Variants in SMAD4 observed in about 807,000 individuals in gnomAD.
SMAD4 encodes the protein MAD homolog 4.
SMAD4 carries 7 observed loss-of-function variants against 63.2 expected under a neutral mutation model. That is an observed-to-expected ratio of 0.11 (90% CI 0.06 to 0.21). SMAD4 has a LOEUF of 0.21. SMAD4 is among the 10% of genes least tolerant of loss of function. The pLI is 1.00. For synonymous variants in SMAD4, 215 were observed against 235.4 expected (o/e 0.91, Z 0.79); for missense variants, 312 against 693.8 (o/e 0.45, Z 6.18).
intron 11 of SMAD4, 133 bp from the exon 12 acceptor site, chr18:51,078,123 G>A: frequency 1.3e-6 from 1 of 775,610 alleles, no homozygotes; most frequent in Non-Finnish European, 2.2e-6. Flanking sequence ...TTACTTCTTG[G>A]CACTTTAGCA....
In SMAD4 at chr18:51,066,951, C is replaced by T. The variant is rs1910175623; in HGVS notation, c.1140-68C>T. 7.3e-6 allele frequency: 9 copies of T among 1,230,890 alleles called. No individual in the cohort carries two copies. In the South Asian group the frequency reaches 1.1e-4, roughly 15 times the overall value. The allele number at this position is 1,230,890 out of a possible 1,614,324, so 76.2% of individuals were successfully genotyped here. On this transcript the variant is annotated intron_variant, in intron 9 of 11. Coordinates refer to ENST00000342988, the MANE Select transcript of SMAD4 (RefSeq NM_005359.6). Reference sequence around the variant, plus strand: ...ATTTTTCAATATTAAGCATGCTATACAATCTGAACTAAAATTTAATTTAAA... The same window carrying T: ...ATTTTTCAATATTAAGCATGCTATATAATCTGAACTAAAATTTAATTTAAA...
chr18:51,081,708 C>T lies in SMAD4; in HGVS notation c.*3241C>T, dbSNP rs1375947093. The T allele has an allele frequency of 4.3e-6, 1 of 232,538 alleles. No homozygotes were observed. Among genetic ancestry groups the T allele is most frequent in the Admixed American group, 5.6e-5 (1 of 17,762 alleles). 14.4% of individuals were successfully genotyped at this position (232,538 alleles called of 1,614,324 possible). ...TGTGTAAAGGGGGGTGTTTGTAATA[C>T]AAGTTGAAGGCAAAATAAAATGTCC... On this transcript the variant is annotated 3_prime_UTR_variant, in exon 12 of 12. Transcript: ENST00000342988.
chr18:51,061,045 A>C (rs1909998159), intron 8 of SMAD4, among the ~76,000 whole-genome samples: 2 of 151,730 alleles, frequency 1.3e-5, no homozygotes, highest in South Asian at 4.2e-4. Context: ...AGCTTGAAAA[A>C]TTAAAAAAAT....
rs1568203454 is a variant in SMAD4 at position 51,048,769 on chromosome 18, T to C, written c.333T>C (p.His111=). 6.2e-7 allele frequency: 1 copy of C among 1,611,780 alleles called. No individual in the cohort carries two copies. The highest frequency in any genetic ancestry group is 8.5e-7 in the Non-Finnish European group (1 of 1,178,900). Residue 111 remains histidine (H), a synonymous_variant, in exon 3 of 12, where the codon CAT becomes CAC. Transcript: ENST00000342988. ...ATCTTCACAAAAATGAACTAAAACATGTTAAATATTGTCAGTATGCGTTTG... is the reference window on the plus strand; with the variant it reads ...ATCTTCACAAAAATGAACTAAAACACGTTAAATATTGTCAGTATGCGTTTG... The part of the protein sequence containing the change: ...WPDLHKNELK[H]VKYCQYAFDL...
At chr18:51,070,607 G>A (rs544432938) in intron 10 of SMAD4, among the ~76,000 whole-genome samples, 3 of 152,094 alleles carry the variant, frequency 2.0e-5, no homozygotes, top group Non-Finnish European at 2.9e-5. Context: ...AGGTATCCAT[G>A]GTCAACCACA....
intron 4 of SMAD4, among the ~76,000 whole-genome samples, chr18:51,050,739 C>A (rs537172805): frequency 2.0e-5 from 3 of 151,596 alleles, no homozygotes; most frequent in South Asian, 2.1e-4. Flanking sequence ...TAGTTTAGCA[C>A]CTTTTTTGTT....
intron 9 of SMAD4, among the ~76,000 whole-genome samples, chr18:51,066,010 T>G (rs988749356): frequency 6.6e-5 from 10 of 151,880 alleles, no homozygotes; most frequent in African/African-American, 2.4e-4. Flanking sequence ...GTTAAGTAAA[T>G]TATGATAAAT....
At position 51,042,201 on chromosome 18, in the gene SMAD4, T is replaced by C. The variant is rs945892611; in HGVS notation, c.-127-4719T>C. ...CAGAAATTCATGTAGGAGGAAAATATAATTAGCCCAGAACCTAACTCTATA... is the reference window on the plus strand; with the variant it reads ...CAGAAATTCATGTAGGAGGAAAATACAATTAGCCCAGAACCTAACTCTATA... On this transcript the variant is annotated intron_variant, in intron 1 of 11. Coordinates refer to ENST00000342988, the MANE Select transcript of SMAD4 (RefSeq NM_005359.6). Among the ~76,000 whole-genome samples the C allele has an allele frequency of 2.0e-5, 3 of 152,144 alleles. No homozygotes were observed. In the East Asian group the frequency reaches 5.8e-4, roughly 29 times the overall value.
rs896521386 is a variant in SMAD4 at position 51,048,468 on chromosome 18, T to G, written c.250-218T>G. 2.6e-5 allele frequency among the ~76,000 whole-genome samples: 4 copies of G among 152,218 alleles called. No homozygotes were observed. In the East Asian group the frequency reaches 7.7e-4, roughly 29 times the overall value. ...CCACCATGCCCAGTCACTTTTTACA[T>G]TTTTAAAACCTGAGCACAGGCCTTG... On this transcript the variant is annotated intron_variant, in intron 2 of 11. Transcript: ENST00000342988.
At chr18:51,075,430 C>T (rs2144471040) in intron 10 of SMAD4, among the ~76,000 whole-genome samples, 1 of 152,210 alleles carries the variant, frequency 6.6e-6, no homozygotes, top group South Asian at 2.1e-4. Flanking sequence ...AAAAAATATT[C>T]ATGTCCTTTT....
chr18:51,061,907 TAAAA>T (rs1348956355), intron 8 of SMAD4, among the ~76,000 whole-genome samples: 1 of 152,124 alleles, frequency 6.6e-6, no homozygotes, highest in Non-Finnish European at 1.5e-5. Flanking sequence ...TCTAGCTGTT[TAAAA>T]AAATAGAAGG....
At chr18:51,059,975 G>T (rs1385414511) in intron 8 of SMAD4, 59 bp downstream of exon 8, 1 of 1,254,582 alleles carries the variant, frequency 8.0e-7, no homozygotes, top group Admixed American at 1.7e-5. Context: ...TGATTGAAAC[G>T]CACAAACACA....
chr18:51,084,006 GCGCGCGCACA>G lies in SMAD4; in HGVS notation c.*5541_*5550del, dbSNP rs1177765868. 0.062 allele frequency: 12,514 copies of G among 201,386 alleles called. 250 individuals carry two copies. Among genetic ancestry groups the G allele is most frequent in the Admixed American group, 0.073 (1,043 of 14,324 alleles). The allele number at this position is 201,386 out of a possible 1,614,324, so 12.5% of individuals were successfully genotyped here. On this transcript the variant is annotated 3_prime_UTR_variant, in exon 12 of 12. Transcript: ENST00000342988. The stretch of plus-strand genomic sequence containing the variant: ...AAACACTTAACGCGCGTGCGCACGC[GCGCGCGCACA>G]CACACACACACACACACACACACAC...
At chr18:51,072,538 T>A (rs1910344501) in intron 10 of SMAD4, among the ~76,000 whole-genome samples, 1 of 152,188 alleles carries the variant, frequency 6.6e-6, no homozygotes, top group African/African-American at 2.4e-5. Context: ...TATGTTCAGG[T>A]GCATTTTTCA....
At chr18:51,048,089 T>G (rs759652960) in intron 2 of SMAD4, among the ~76,000 whole-genome samples, 1 of 152,234 alleles carries the variant, frequency 6.6e-6, no homozygotes, top group Non-Finnish European at 1.5e-5. Context: ...AATTTTGTCG[T>G]AGATTTTAAA....
chr18:51,032,552 G>A (rs1414669127), intron 1 of SMAD4, among the ~76,000 whole-genome samples: 1 of 152,162 alleles, frequency 6.6e-6, no homozygotes, highest in Non-Finnish European at 1.5e-5. Flanking sequence ...CTACATTTTA[G>A]TCGAGCGATT....
At position 51,084,020 on chromosome 18, in the gene SMAD4, A is replaced by G. The variant is rs867342943; in HGVS notation, c.*5553A>G. The stretch of plus-strand genomic sequence containing the variant: ...CGTGCGCACGCGCGCGCGCACACAC[A>G]CACACACACACACACACACACACAG... On this transcript the variant is annotated 3_prime_UTR_variant, in exon 12 of 12. Coordinates refer to ENST00000342988, the MANE Select transcript of SMAD4 (RefSeq NM_005359.6). The G allele has an allele frequency of 0.012, 2,266 of 188,382 alleles. 58 individuals carry two copies. Among genetic ancestry groups the G allele is most frequent in the African/African-American group, 0.057 (2,067 of 36,124 alleles). 11.7% of individuals were successfully genotyped at this position (188,382 alleles called of 1,614,324 possible).
At chr18:51,045,239 C>CT (rs1455407865) in intron 1 of SMAD4, among the ~76,000 whole-genome samples, 1 of 152,164 alleles carries the variant, frequency 6.6e-6, no homozygotes, top group Non-Finnish European at 1.5e-5. Context: ...GGAATTGATA[C>CT]TTTAACAAAG....
intron 1 of SMAD4, among the ~76,000 whole-genome samples, chr18:51,037,015 T>C (rs556289836): frequency 9.2e-5 from 14 of 152,206 alleles, no homozygotes; most frequent in East Asian, 5.8e-4. Flanking sequence ...CAAAAATTCA[T>C]TGGGCATGGT....
Sources: allele counts gnomAD v4.1 joint callset (sites outside exome capture counted in the v4.1 genomes callset), GRCh38; gene constraint gnomAD v4.1.1; transcripts MANE v1.5; gene names NCBI Gene and HGNC (gene_info 2026-07-23, HGNC 2026-07-21).